Variants in FRMD6 observed in about 807,000 individuals in gnomAD.
FRMD6 encodes FERM domain containing 6, also known as FERM domain-containing protein 6.
In FRMD6, 37 loss-of-function variants were observed where a neutral mutation model predicts 73.2. The observed-to-expected ratio is 0.51, with a 90% confidence interval of 0.39 to 0.66. FRMD6 has a LOEUF of 0.66. Ranked by LOEUF, FRMD6 falls within the 30% of genes least tolerant of loss-of-function variation. FRMD6 has a pLI of 0.00. For synonymous variants in FRMD6, 273 were observed against 282.2 expected, an observed-to-expected ratio of 0.97 and a Z score of 0.33; for missense variants, 714 against 780.5, an observed-to-expected ratio of 0.91 and a Z score of 1.02.
chr14:51,641,624 C>T (rs1891813613), intron 2 of FRMD6, among the ~76,000 whole-genome samples: 1 of 152,114 alleles, frequency 6.6e-6, no homozygotes, highest in Non-Finnish European at 1.5e-5. Context: ...CCTTCACCTC[C>T]AGCAACTTTT....
chr14:51,459,643 T>C, the FRMD6 span, among the ~76,000 whole-genome samples: 138 of 152,018 alleles, frequency 9.1e-4, no homozygotes, highest in East Asian at 2.3e-3. Context: ...CTGGCTAACA[T>C]GGCGAAACCC....
At chr14:51,547,448 G>A (rs943606061) in intron 1 of FRMD6, among the ~76,000 whole-genome samples, 5 of 152,170 alleles carry the variant, frequency 3.3e-5, no homozygotes, top group African/African-American at 1.2e-4. Flanking sequence ...ATGAGTCACA[G>A]AGGTTAAAAT....
chr14:51,587,019 G>C (rs979031847), intron 2 of FRMD6, among the ~76,000 whole-genome samples: 3 of 152,198 alleles, frequency 2.0e-5, no homozygotes, highest in African/African-American at 7.2e-5. Context: ...GCCTCTCAAA[G>C]TGCTGGGGTT....
intron 1 of FRMD6, among the ~76,000 whole-genome samples, chr14:51,563,446 G>C (rs147194556): frequency 2.8e-4 from 42 of 152,270 alleles, no homozygotes; most frequent in African/African-American, 9.9e-4. Context: ...GAAGAGGGTG[G>C]ATCACTTGAA....
chr14:51,620,843 A>G (rs1451905345), intron 2 of FRMD6, among the ~76,000 whole-genome samples: 1 of 152,190 alleles, frequency 6.6e-6, no homozygotes, highest in African/African-American at 2.4e-5. Flanking sequence ...TGCTGCAGAC[A>G]TATCATTGGT....
chr14:51,688,050 A>G (rs1228924584), intron 1 of FRMD6, among the ~76,000 whole-genome samples: 1 of 152,000 alleles, frequency 6.6e-6, no homozygotes, highest in Non-Finnish European at 1.5e-5. Flanking sequence ...CACCCAGGTG[A>G]TTCTGATGCA....
the FRMD6 span, among the ~76,000 whole-genome samples, chr14:51,429,981 A>G: frequency 6.6e-6 from 1 of 152,338 alleles, no homozygotes; most frequent in Non-Finnish European, 1.5e-5. Context: ...TAACATCCTC[A>G]GGCACTTGAC....
intron 10 of FRMD6, chr14:51,717,107 GAC>G (rs1897280921): frequency 6.6e-6 from 1 of 152,232 alleles, no homozygotes; most frequent in South Asian, 2.1e-4. Context: ...TTTTCAGAGA[GAC>G]AGGGCGTTGT....
At chr14:51,611,299 C>T (rs574196835) in intron 2 of FRMD6, among the ~76,000 whole-genome samples, 2 of 152,240 alleles carry the variant, frequency 1.3e-5, no homozygotes, top group South Asian at 2.1e-4. Context: ...TCAGAGTTCT[C>T]CCTAGTAGAA....
chr14:51,628,853 G>T, intron 2 of FRMD6, among the ~76,000 whole-genome samples: 2 of 138,166 alleles, frequency 1.4e-5, no homozygotes, highest in African/African-American at 2.7e-5. Context: ...TATGCCTTTT[G>T]CATCTACCTT....
the FRMD6 span, among the ~76,000 whole-genome samples, chr14:51,401,543 A>G: frequency 6.6e-6 from 1 of 152,204 alleles, no homozygotes; most frequent in African/African-American, 2.4e-5. Context: ...GGATCAGATC[A>G]GGTGATATCT....
rs1367217445 is a variant in FRMD6, at chr14:51,727,914, A to G, written c.1754A>G (p.Asn585Ser). 3 of 1,614,218 alleles carry G rather than the reference A, an allele frequency of 1.9e-6. No homozygotes were observed. The highest frequency in any genetic ancestry group is 2.2e-5 in the East Asian group (1 of 44,886). Reference sequence around the variant, plus strand: ...CTGGATGAGGAAGGCCTCTATTGCAACAGTTGCTTGGCCCAGCAGTGCATC... The same window carrying G: ...CTGGATGAGGAAGGCCTCTATTGCAGCAGTTGCTTGGCCCAGCAGTGCATC... ...HELDEEGLYCNSCLAQQCINI... is the reference protein window; with the variant it reads ...HELDEEGLYCSSCLAQQCINI... The change falls in exon 14 of 14, where the codon AAC (asparagine) becomes AGC (serine). Residue 585 changes from asparagine to serine, a missense_variant. Asn to Ser is a conservative substitution (Grantham distance 46). Coordinates refer to ENST00000344768, the MANE Select transcript of FRMD6 (RefSeq NM_001267046.2).
At chr14:51,599,058 C>CTTTTTTTTTTTTTTTTTTTTTTTTTT (rs59151771) in intron 2 of FRMD6, among the ~76,000 whole-genome samples, 1 of 72,824 alleles carries the variant, frequency 1.4e-5, no homozygotes, top group Non-Finnish European at 2.5e-5. Flanking sequence ...CAGTATCTGT[C>CTTTTTTTTTTTTTTTTTTTTTTTTTT]TTTTTTTTTT....
At chr14:51,450,364 AT>A in the FRMD6 span, among the ~76,000 whole-genome samples, 39 of 152,280 alleles carry the variant, frequency 2.6e-4, no homozygotes, top group Non-Finnish European at 3.7e-4. Flanking sequence ...CCAGACCAGA[AT>A]TTTTTGGGCA....
the FRMD6 span, among the ~76,000 whole-genome samples, chr14:51,457,808 G>A: frequency 2.6e-5 from 4 of 152,342 alleles, no homozygotes; most frequent in African/African-American, 7.2e-5. Context: ...GAGAGTATGT[G>A]TTAGGAGGCT....
intron 1 of FRMD6, among the ~76,000 whole-genome samples, chr14:51,509,528 A>AAAAAC (rs149803242): frequency 0.09 from 13,452 of 150,294 alleles, 697 homozygotes; most frequent in Non-Finnish European, 0.1. Flanking sequence ...CTCCGTCTCA[A>AAAAAC]AAAACAAAAC....
intron 1 of FRMD6, among the ~76,000 whole-genome samples, chr14:51,550,092 C>T (rs1397440295): frequency 6.6e-6 from 1 of 152,150 alleles, no homozygotes; most frequent in African/African-American, 2.4e-5. Flanking sequence ...TTTCTAAGAT[C>T]CCGGTAATGC....
intron 1 of FRMD6, among the ~76,000 whole-genome samples, chr14:51,658,631 A>G (rs571285428): frequency 9.9e-5 from 15 of 152,236 alleles, no homozygotes; most frequent in Non-Finnish European, 1.6e-4. Context: ...GAAACATCCA[A>G]TCTTTGTCTA....
At chr14:51,659,723 C>G (rs535665292) in intron 1 of FRMD6, among the ~76,000 whole-genome samples, 1 of 152,320 alleles carries the variant, frequency 6.6e-6, no homozygotes, top group Admixed American at 6.5e-5. Flanking sequence ...GTACCACTGA[C>G]TGGCCCATGT....
Sources: allele counts gnomAD v4.1 joint callset (sites outside exome capture counted in the v4.1 genomes callset), GRCh38; gene constraint gnomAD v4.1.1; transcripts MANE v1.5; gene names NCBI Gene and HGNC (gene_info 2026-07-23, HGNC 2026-07-21).